Variants in PRSS53 observed in about 807,000 individuals in gnomAD.
The protein encoded by PRSS53 is serine protease 53.
A neutral mutation model predicts 62.7 loss-of-function variants in PRSS53; 54 were observed. That is an observed-to-expected ratio of 0.86 (90% CI 0.69 to 1.08). The LOEUF (loss-of-function observed/expected upper bound fraction) is 1.08, where lower values mean the gene tolerates loss of function less well. Among genes scored for constraint, PRSS53 ranks in the 50% least tolerant of loss-of-function variants. PRSS53 has a pLI of 0.00. For synonymous variants in PRSS53, 273 were observed against 300.0 expected (o/e 0.91, Z 0.93); for missense variants, 688 against 728.3 (o/e 0.94, Z 0.64).
In PRSS53 at chr16:31,083,812, G is replaced by A. The variant is rs1177457315; in HGVS notation, c.1643-3C>T. On this transcript the variant is annotated splice_region_variant and splice_polypyrimidine_tract_variant and intron_variant, in intron 10 of 10. Coordinates refer to ENST00000280606, the Ensembl canonical transcript of PRSS53. ...CTGTCAGCAGCTGGTTGGTTGGCCTGTGGGGAAGGAAGGAGGGTGGAGTTG... is the reference window on the plus strand; with the variant it reads ...CTGTCAGCAGCTGGTTGGTTGGCCTATGGGGAAGGAAGGAGGGTGGAGTTG... 1.2e-6 allele frequency: 2 copies of A among 1,614,032 alleles called. No homozygotes were observed. Among genetic ancestry groups the A allele is most frequent in the South Asian group, 1.1e-5 (1 of 91,080 alleles).
chr16:31,087,129 C>T, intron 3 of PRSS53: 2 of 547,794 alleles, frequency 3.7e-6, no homozygotes, highest in East Asian at 6.2e-5. Flanking sequence ...TCGTGAGTAG[C>T]TGGGACTACA....
exon 9 of PRSS53, chr16:31,084,577 C>T: frequency 1.2e-6 from 2 of 1,606,120 alleles, no homozygotes; most frequent in Non-Finnish European, 1.7e-6. Context: ...GGGCAGCTCA[C>T]CCACAGCACT....
At chr16:31,084,034 G>C in intron 10 of PRSS53, 85 bp downstream of exon 10, 3 of 1,508,374 alleles carry the variant, frequency 2.0e-6, no homozygotes, top group Non-Finnish European at 2.7e-6. Context: ...AAGGCAGCTG[G>C]AGTGGGTTAG....
In PRSS53 at chr16:31,088,511, TCA is replaced by T. The variant is rs546131882; in HGVS notation, c.58+239_58+240del. Reference sequence around the variant, plus strand: ...GCACAGGACACACGCAGGCAGCACCTCACACACACACAAGACCACAGGCCCCG... The same window carrying T: ...GCACAGGACACACGCAGGCAGCACCTCACACACACAAGACCACAGGCCCCG... On this transcript the variant is annotated intron_variant, in intron 1 of 10. Coordinates refer to ENST00000280606, the Ensembl canonical transcript of PRSS53. 1,695 of 1,397,948 alleles carry T rather than the reference TCA, an allele frequency of 1.2e-3. 12 individuals are homozygous for T. The highest frequency in any genetic ancestry group is 5.2e-3 in the South Asian group (333 of 64,412). 86.6% of individuals were successfully genotyped at this position (1,397,948 alleles called of 1,614,324 possible).
chr16:31,088,560 C>T, intron 1 of PRSS53, 192 bp downstream of exon 1: 1 of 1,435,710 alleles, frequency 7.0e-7, no homozygotes, highest in Non-Finnish European at 9.1e-7. Context: ...TGCAGCTGGC[C>T]CGAGAAAATC....
In PRSS53 at chr16:31,084,540, T is replaced by TG. The variant is rs2057207089; in HGVS notation, c.1425+17dup. On this transcript the variant is annotated intron_variant, in intron 9 of 10. Transcript: ENST00000280606. ...TGCCAGGGGCCTGTTAGGTAAGGTG[T>TG]GGGGGCCTGGGGCTCACCTCACAGC... 4 of 1,596,706 alleles carry TG rather than the reference T, an allele frequency of 2.5e-6. No individual in the cohort carries two copies. The highest frequency in any genetic ancestry group is 1.3e-5 in the African/African-American group (1 of 74,538).
intron 3 of PRSS53, 154 bp downstream of exon 3, chr16:31,087,383 A>G: frequency 1.6e-6 from 1 of 636,182 alleles, no homozygotes; most frequent in Non-Finnish European, 2.8e-6. Context: ...TGGTTGTTAC[A>G]ATTAACTTGA....
At chr16:31,087,036 G>T in intron 3 of PRSS53, 138 bp from the exon 4 acceptor site, 1 of 903,564 alleles carries the variant, frequency 1.1e-6, no homozygotes, top group Non-Finnish European at 1.6e-6. Flanking sequence ...TCGTCCTGTC[G>T]CCCAGGCTGC....
chr16:31,087,801 C>G lies in PRSS53; in HGVS notation c.79+5G>C. ...AGACCTAGGCCCCGTGTCCCCAGAC[C>G]TTACCACGCTGAGCGGCTTGAAGAC... is the stretch of plus-strand genomic sequence containing the variant. On this transcript the variant is annotated splice_donor_5th_base_variant and intron_variant, in intron 2 of 10. Coordinates refer to ENST00000280606, the Ensembl canonical transcript of PRSS53. 1.2e-6 allele frequency: 2 copies of G among 1,614,084 alleles called. No individual in the cohort carries two copies. Among genetic ancestry groups the G allele is most frequent in the Non-Finnish European group, 1.7e-6 (2 of 1,180,028 alleles).
exon 10 of PRSS53, chr16:31,084,263 C>G (rs1882107955): frequency 6.2e-7 from 1 of 1,612,412 alleles, no homozygotes; most frequent in African/African-American, 1.3e-5. Context: ...TGGCAAGCAT[C>G]TCCGAAGCTG....
chr16:31,084,281 C>G (rs989150303), exon 10 of PRSS53: 2 of 1,612,808 alleles, frequency 1.2e-6, no homozygotes, highest in Non-Finnish European at 8.5e-7. Flanking sequence ...CTGTGCAGCC[C>G]GGCCAGGAAC....
Position 31,084,314 on chromosome 16 carries a change from C to A in PRSS53, c.1447G>T (p.Val483Leu), listed in dbSNP as rs374055199. 4.3e-6 allele frequency: 7 copies of A among 1,612,488 alleles called. No individual in the cohort carries two copies. The African/African-American group carries it at 6.7e-5, about 15-fold the overall frequency. The change falls in exon 10 of 11, where the codon GTG becomes TTG. Residue 483 changes from valine to leucine, a missense_variant. By Grantham distance (32) the Val-to-Leu change is conservative. Transcript: ENST00000280606. ...AACCATGTGCCCCTCACCTCATGCA[C>A]CAGTGGTGCCCCAGACAGGCCCTGT...
exon 11 of PRSS53, chr16:31,083,609 C>T: frequency 6.7e-7 from 1 of 1,490,880 alleles, no homozygotes; most frequent in Non-Finnish European, 9.0e-7. Flanking sequence ...CCACAGACAC[C>T]CCTGTCCTGC....
chr16:31,084,583 G>T, exon 9 of PRSS53: 1 of 1,606,592 alleles, frequency 6.2e-7, no homozygotes, highest in Non-Finnish European at 8.5e-7. Flanking sequence ...CTCACCCACA[G>T]CACTGGTACA....
At position 31,084,872 on chromosome 16, in the gene PRSS53, G is replaced by T. The variant is rs373472672; in HGVS notation, c.1187C>A (p.Ala396Asp). The change falls in exon 8 of 11, where the codon GCC (alanine) becomes GAC (aspartate). Residue 396 changes from alanine to aspartate, a missense_variant. Ala to Asp is a moderately radical substitution (Grantham distance 126, BLOSUM62 -2). Transcript: ENST00000280606. ...GGGCAGGCAGAGGGGCCGCAGGCTG[G>T]CTCCCAGTGTCACAGGCTGGGCCAG... 6 of 1,547,594 alleles carry T rather than the reference G, an allele frequency of 3.9e-6. No homozygotes were observed. The African/African-American group carries it at 8.2e-5, about 21-fold the overall frequency.
chr16:31,084,628 C>T (rs758321905), exon 9 of PRSS53: 7 of 1,607,850 alleles, frequency 4.4e-6, no homozygotes, highest in South Asian at 3.3e-5. Flanking sequence ...GCCATCACCC[C>T]CAGGAGCTGC....
chr16:31,085,603 C>A (rs1455430559), intron 6 of PRSS53, among the ~76,000 whole-genome samples: 1 of 152,158 alleles, frequency 6.6e-6, no homozygotes, highest in Non-Finnish European at 1.5e-5. Context: ...CTCTTATCAT[C>A]AAGACATAAT....
At chr16:31,084,419 T>C in intron 9 of PRSS53, 84 bp from the exon 10 acceptor site, 1 of 1,502,118 alleles carries the variant, frequency 6.7e-7, no homozygotes, top group Non-Finnish European at 9.0e-7. Context: ...CTCTGGCTGT[T>C]TGGGGGCTAA....
exon 1 of PRSS53, chr16:31,088,811 CT>C: frequency 6.2e-7 from 1 of 1,613,674 alleles, no homozygotes; most frequent in South Asian, 1.1e-5. Flanking sequence ...CCACTTCATG[CT>C]GCCCCGGGCC....
Sources: allele counts gnomAD v4.1 joint callset (sites outside exome capture counted in the v4.1 genomes callset), GRCh38; gene constraint gnomAD v4.1.1; transcripts MANE v1.5; gene names NCBI Gene and HGNC (gene_info 2026-07-23, HGNC 2026-07-21).